The following SLC15A2 variants were observed in gnomAD, a reference collection of about 807,000 sequenced individuals.
SLC15A2 encodes kidney H(+)/peptide cotransporter.
In SLC15A2, 77 loss-of-function variants were observed where a neutral mutation model predicts 95.5. The ratio of observed to expected loss-of-function variants is 0.81; its 90% CI spans 0.67 to 0.97. The LOEUF (loss-of-function observed/expected upper bound fraction) is 0.97. Ranked by LOEUF, SLC15A2 falls within the 50% of genes least tolerant of loss-of-function variation. The probability of loss-of-function intolerance (pLI) is 0.00; values close to 1 mark genes in which losing one functional copy is unlikely to be tolerated. For synonymous variants in SLC15A2, 306 were observed against 306.9 expected (o/e 1.00, Z 0.03); for missense variants, 893 against 874.4 (o/e 1.02, Z -0.27).
chr3:121,919,110 G>A (rs1019228532), intron 7 of SLC15A2, among the ~76,000 whole-genome samples: 1 of 152,218 alleles, frequency 6.6e-6, no homozygotes, highest in Non-Finnish European at 1.5e-5. Context: ...CTCCTGCTCA[G>A]GGAGTCCCAA....
rs546837114 is a variant in SLC15A2 at position 121,941,501 on chromosome 3, C to A, written c.*494C>A. 1.3e-5 allele frequency: 2 copies of A among 152,122 alleles called. No homozygotes were observed. Among genetic ancestry groups the A allele is most frequent in the Non-Finnish European group, 2.9e-5 (2 of 68,054 alleles). The allele number at this position is 152,122 out of a possible 1,614,324, so 9.4% of individuals were successfully genotyped here. ...ATTGGTATGTATGATGTGATCTGGTCCAGCCAGGGCCTGGCTTGTCAGCTC... is the reference window on the plus strand; with the variant it reads ...ATTGGTATGTATGATGTGATCTGGTACAGCCAGGGCCTGGCTTGTCAGCTC... On this transcript the variant is annotated 3_prime_UTR_variant, in exon 22 of 22. Transcript: ENST00000489711.
chr3:121,932,719 CTAAT>C (rs991092811), intron 19 of SLC15A2, among the ~76,000 whole-genome samples: 8 of 152,138 alleles, frequency 5.3e-5, no homozygotes, highest in African/African-American at 1.2e-4. Context: ...ATTTATTTTA[CTAAT>C]TAATTAATTT....
At chr3:121,939,939 G>C (rs1053369411) in intron 20 of SLC15A2, among the ~76,000 whole-genome samples, 1 of 151,972 alleles carries the variant, frequency 6.6e-6, no homozygotes, top group Non-Finnish European at 1.5e-5. Context: ...TTGAGTAGCT[G>C]GGATTATAGG....
In SLC15A2 at chr3:121,922,309, C is replaced by T. The variant is rs762836050; in HGVS notation, c.780+7C>T. On this transcript the variant is annotated splice_region_variant and intron_variant, in intron 8 of 21. Transcript: ENST00000489711. Reference sequence around the variant, plus strand: ...AGTTTTCAAATGTATCTGGGTAAGTCCATAAATTGTTTTCTTGCCTTTTTC... The same window carrying T: ...AGTTTTCAAATGTATCTGGGTAAGTTCATAAATTGTTTTCTTGCCTTTTTC... The T allele has an allele frequency of 1.2e-5, 20 of 1,610,780 alleles. No individual in the cohort carries two copies. Among genetic ancestry groups the T allele is most frequent in the Non-Finnish European group, 1.6e-5 (19 of 1,177,572 alleles).
rs564847026 is a variant in SLC15A2, at chr3:121,908,688, C to A, written c.336-2886C>A. Among the ~76,000 whole-genome samples the A allele has an allele frequency of 3.3e-5, 5 of 152,282 alleles. No homozygotes were observed. The South Asian group carries it at 1.0e-3, about 32-fold the overall frequency. On this transcript the variant is annotated intron_variant, in intron 3 of 21. Transcript: ENST00000489711. ...TACACACTCTCAGCCTCTGTATATA[C>A]CTCTTCTTAGTTCCTAAGTGCCTAT...
rs562464062 is a variant in SLC15A2, at chr3:121,922,787, A to G, written c.793A>G (p.Asn265Asp). 2 of 1,613,494 alleles carry G rather than the reference A, an allele frequency of 1.2e-6. No individual in the cohort carries two copies. Among genetic ancestry groups the G allele is most frequent in the South Asian group, 2.2e-5 (2 of 91,002 alleles). Residue 265 changes from asparagine to aspartate, a missense_variant, in exon 9 of 22, where the codon AAT (asparagine) becomes GAT (aspartate). By Grantham distance (23) the Asn-to-Asp change is conservative (BLOSUM62 1). Transcript: ENST00000489711. ...VFKCIWFAIS[N>D]RFKNRSGDIP... ...CTCTCTGCCCTAGTTTGCTATTTCC[A>G]ATCGTTTCAAGAACCGTTCTGGAGA...
At position 121,922,846 on chromosome 3, in the gene SLC15A2, G is replaced by A. The variant is rs2293616; in HGVS notation, c.852G>A (p.Ala284=). The change falls in exon 9 of 22, where the codon GCG becomes GCA. Residue 284 remains alanine, a synonymous_variant. Coordinates refer to ENST00000489711, the MANE Select transcript of SLC15A2 (RefSeq NM_021082.4). ...AGCGACAGCACTGGCTAGACTGGGC[G>A]GCTGAGAAATATCCAGTAAGTTGGA... The part of the protein sequence containing the change: ...IPKRQHWLDW[A]AEKYPKQLIM... 0.45 allele frequency: 731,552 copies of A among 1,610,668 alleles called. 171,079 individuals carry two copies. The highest frequency in any genetic ancestry group is 0.72 in the East Asian group (32,275 of 44,846).
intron 4 of SLC15A2, 147 bp downstream of exon 4, chr3:121,911,813 G>C: frequency 1.6e-6 from 1 of 636,828 alleles, no homozygotes; most frequent in Non-Finnish European, 2.8e-6. Flanking sequence ...ATGACCAGTT[G>C]AACTCTTTCC....
chr3:121,924,503 A>G, intron 12 of SLC15A2, 120 bp downstream of exon 12: 1 of 897,868 alleles, frequency 1.1e-6, no homozygotes, highest in Non-Finnish European at 1.8e-6. Flanking sequence ...GATAAGGGCC[A>G]AGCTTCGACA....
chr3:121,923,281 T>C lies in SLC15A2; in HGVS notation c.1002+15T>C. On this transcript the variant is annotated intron_variant, in intron 11 of 21. Coordinates refer to ENST00000489711, the MANE Select transcript of SLC15A2 (RefSeq NM_021082.4). ...ATAGGAATTTGGTGAGTAGAAGAGA[T>C]TTTCCAGAGAAGTCTATTATTTTCT... 6.2e-7 allele frequency: 1 copy of C among 1,612,200 alleles called. No homozygotes were observed. The highest frequency in any genetic ancestry group is 8.5e-7 in the Non-Finnish European group (1 of 1,179,004).
intron 7 of SLC15A2, among the ~76,000 whole-genome samples, chr3:121,921,445 G>T (rs1710003824): frequency 6.6e-6 from 1 of 151,630 alleles, no homozygotes; most frequent in Non-Finnish European, 1.5e-5. Flanking sequence ...GTGTAACCTT[G>T]TACAAGGTGC....
intron 19 of SLC15A2, among the ~76,000 whole-genome samples, chr3:121,935,410 G>A (rs1352462346): frequency 6.6e-6 from 1 of 152,098 alleles, no homozygotes; most frequent in East Asian, 1.9e-4. Flanking sequence ...CTTTTTGGTT[G>A]GTAAGCTATT....
chr3:121,907,873 C>G (rs902901442), intron 3 of SLC15A2, among the ~76,000 whole-genome samples: 2 of 152,260 alleles, frequency 1.3e-5, no homozygotes, highest in Non-Finnish European at 2.9e-5. Flanking sequence ...TCTCAGAGCT[C>G]AAAAACCCTA....
At chr3:121,939,655 G>C (rs557232064) in intron 20 of SLC15A2, among the ~76,000 whole-genome samples, 160 bp downstream of exon 20, 17 of 152,140 alleles carry the variant, frequency 1.1e-4, no homozygotes, top group African/African-American at 4.1e-4. Context: ...AACTCCCCAG[G>C]TCATGACAGT....
chr3:121,894,680 T>C lies in SLC15A2; in HGVS notation c.105+99T>C. The stretch of plus-strand genomic sequence containing the variant: ...AGCTTCCAGCTGAGCTGTATTAGGG[T>C]ATTAAAATGCTTCTCTCTTGGATTT... On this transcript the variant is annotated intron_variant, in intron 1 of 21. Coordinates refer to ENST00000489711, the MANE Select transcript of SLC15A2 (RefSeq NM_021082.4). The C allele has an allele frequency of 8.2e-6, 6 of 733,756 alleles. No individual in the cohort carries two copies. The South Asian group carries it at 1.1e-4, about 14-fold the overall frequency. The allele number at this position is 733,756 out of a possible 1,614,324, so 45.5% of individuals were successfully genotyped here. A position where few individuals can be genotyped will look rare whatever the true frequency, so the allele number is the denominator to read the frequency against.
At chr3:121,938,826 C>G (rs1710403416) in intron 19 of SLC15A2, among the ~76,000 whole-genome samples, 1 of 152,210 alleles carries the variant, frequency 6.6e-6, no homozygotes, top group Non-Finnish European at 1.5e-5. Flanking sequence ...TGGCCAAAAG[C>G]AGCAACACTT....
At chr3:121,923,161 CT>C in intron 10 of SLC15A2, 32 bp downstream of exon 10, 1 of 1,613,102 alleles carries the variant, frequency 6.2e-7, no homozygotes, top group Non-Finnish European at 8.5e-7. Flanking sequence ...ATTACCGCTC[CT>C]TACAGCCACT....
intron 7 of SLC15A2, among the ~76,000 whole-genome samples, chr3:121,921,780 T>C (rs959752229): frequency 6.6e-6 from 1 of 151,964 alleles, no homozygotes; most frequent in African/African-American, 2.4e-5. Flanking sequence ...TGAACAAGAG[T>C]GGTAGCAGTA....
At chr3:121,924,877 T>G in intron 12 of SLC15A2, 68 bp from the exon 13 acceptor site, 1 of 1,100,724 alleles carries the variant, frequency 9.1e-7, no homozygotes, top group Non-Finnish European at 1.4e-6. Context: ...AACAAGCAAA[T>G]GAGTGCAGTG....
Sources: allele counts gnomAD v4.1 joint callset (sites outside exome capture counted in the v4.1 genomes callset), GRCh38; gene constraint gnomAD v4.1.1; transcripts MANE v1.5; gene names NCBI Gene and HGNC (gene_info 2026-07-23, HGNC 2026-07-21).